TAFA1: variants seen among roughly 807,000 people sequenced by gnomAD.
TAFA1 encodes TAFA chemokine like family member 1.
In TAFA1, 4 loss-of-function variants were observed where a neutral mutation model predicts 18.5. That is an observed-to-expected ratio of 0.22 (90% CI 0.11 to 0.49). The LOEUF (loss-of-function observed/expected upper bound fraction) is 0.49. Ranked by LOEUF, TAFA1 falls within the 20% of genes least tolerant of loss-of-function variation. The probability of loss-of-function intolerance (pLI) is 0.98; values close to 1 mark genes in which losing one functional copy is unlikely to be tolerated. For missense variants in TAFA1, 147 were observed against 169.0 expected (o/e 0.87, Z 0.72); for synonymous variants, 56 against 55.2 (o/e 1.01, Z -0.06).
intron 2 of TAFA1, among the ~76,000 whole-genome samples, chr3:68,167,611 G>C (rs887424386): frequency 2.0e-5 from 3 of 149,166 alleles, no homozygotes; most frequent in African/African-American, 7.4e-5. Flanking sequence ...GAAGAAAAAA[G>C]TTAAAAATGC....
chr3:68,110,082 G>C (rs946705084), intron 2 of TAFA1, among the ~76,000 whole-genome samples: 1 of 152,112 alleles, frequency 6.6e-6, no homozygotes, highest in Non-Finnish European at 1.5e-5. Flanking sequence ...CCATCACCTT[G>C]TATTAAGCCC....
chr3:67,992,500 C>T, the TAFA1 span, among the ~76,000 whole-genome samples: 3 of 152,150 alleles, frequency 2.0e-5, no homozygotes, highest in Non-Finnish European at 4.4e-5. Context: ...TTAATGTTTA[C>T]ATTTCTTGCC....
intron 2 of TAFA1, among the ~76,000 whole-genome samples, chr3:68,083,858 A>C (rs764048106): frequency 1.3e-5 from 2 of 152,010 alleles, no homozygotes; most frequent in Admixed American, 1.3e-4. Flanking sequence ...AGTGCAGTAC[A>C]TTCTCCACAT....
intron 2 of TAFA1, among the ~76,000 whole-genome samples, chr3:68,390,791 C>G (rs1480355267): frequency 6.6e-6 from 1 of 152,160 alleles, no homozygotes; most frequent in East Asian, 1.9e-4. Context: ...GAAAAACTAG[C>G]AAACAGAAAG....
chr3:68,188,976 G>C (rs373196000), intron 2 of TAFA1, among the ~76,000 whole-genome samples: 1 of 151,850 alleles, frequency 6.6e-6, no homozygotes, highest in Non-Finnish European at 1.5e-5. Flanking sequence ...GTCCAGACTG[G>C]TCAGCAGTTT....
chr3:68,266,193 C>T (rs527835309), intron 2 of TAFA1, among the ~76,000 whole-genome samples: 11 of 152,142 alleles, frequency 7.2e-5, no homozygotes, highest in Middle Eastern at 3.4e-3. Context: ...TCATGTAGCG[C>T]GCTTTAATTT....
intron 2 of TAFA1, among the ~76,000 whole-genome samples, chr3:68,129,661 T>C (rs1053987818): frequency 6.6e-6 from 1 of 152,324 alleles, no homozygotes; most frequent in African/African-American, 2.4e-5. Context: ...ATATTATGTA[T>C]ATATTTTTTC....
intron 3 of TAFA1, among the ~76,000 whole-genome samples, chr3:68,423,713 C>T (rs575810375): frequency 1.9e-4 from 29 of 150,672 alleles, no homozygotes; most frequent in African/African-American, 5.9e-4. Flanking sequence ...GTAAAATTTT[C>T]GTGCAGTTTT....
chr3:68,288,934 A>G lies in TAFA1; in HGVS notation c.119-128346A>G, dbSNP rs115259406. Among the ~76,000 whole-genome samples, 788 of 152,308 alleles carry G rather than the reference A, an allele frequency of 5.2e-3. 8 individuals are homozygous for G. Among genetic ancestry groups the G allele is most frequent in the African/African-American group, 0.018 (753 of 41,576 alleles). ...TGTGAAGATCATTGTAGAAATAACT[A>G]AGTTTTGAAACTAGGCCAAGTTACT... On this transcript the variant is annotated intron_variant, in intron 2 of 4. Transcript: ENST00000478136.
intron 2 of TAFA1, among the ~76,000 whole-genome samples, chr3:68,345,201 C>T (rs262217): frequency 0.3 from 46,129 of 151,956 alleles, 8,389 homozygotes; most frequent in South Asian, 0.49. Context: ...ACCCTACTTC[C>T]TGCCAAATTC....
At chr3:68,229,160 A>G (rs1324022730) in intron 2 of TAFA1, among the ~76,000 whole-genome samples, 1 of 152,186 alleles carries the variant, frequency 6.6e-6, no homozygotes, top group Non-Finnish European at 1.5e-5. Context: ...TCTTAGCAGC[A>G]TTTTGTGTTG....
chr3:68,404,281 T>C (rs1461410984), intron 2 of TAFA1, among the ~76,000 whole-genome samples: 1 of 152,172 alleles, frequency 6.6e-6, no homozygotes, highest in Non-Finnish European at 1.5e-5. Context: ...ACAGACCTGC[T>C]GAGATTTAAA....
intron 2 of TAFA1, among the ~76,000 whole-genome samples, chr3:68,335,949 T>G (rs79420701): frequency 0.016 from 2,507 of 152,282 alleles, 82 homozygotes; most frequent in African/African-American, 0.056. Context: ...CCTTTCAACA[T>G]TTGTTCTATA....
chr3:68,340,561 T>TC (rs1559624659), intron 2 of TAFA1, among the ~76,000 whole-genome samples: 1 of 152,254 alleles, frequency 6.6e-6, no homozygotes, highest in South Asian at 2.1e-4. Context: ...AACTGACCTC[T>TC]CCCCCTGGAG....
At chr3:68,481,840 A>G (rs997353501) in intron 3 of TAFA1, among the ~76,000 whole-genome samples, 14 of 152,076 alleles carry the variant, frequency 9.2e-5, no homozygotes, top group African/African-American at 2.7e-4. Flanking sequence ...TCCTACTACC[A>G]TGGCCCAGCA....
At chr3:68,306,952 C>T (rs572099761) in intron 2 of TAFA1, among the ~76,000 whole-genome samples, 66 of 152,234 alleles carry the variant, frequency 4.3e-4, no homozygotes, top group Middle Eastern at 3.4e-3. Context: ...AACATCAAAA[C>T]CTGTAGTGTT....
intron 2 of TAFA1, among the ~76,000 whole-genome samples, chr3:68,048,351 T>C (rs1028596923): frequency 6.6e-6 from 1 of 152,086 alleles, no homozygotes; most frequent in Non-Finnish European, 1.5e-5. Flanking sequence ...AATATATTCA[T>C]GGGGTACATG....
chr3:68,264,603 C>T (rs1048575090), intron 2 of TAFA1, among the ~76,000 whole-genome samples: 2 of 152,080 alleles, frequency 1.3e-5, no homozygotes, highest in Non-Finnish European at 2.9e-5. Flanking sequence ...TAAAGTAAAT[C>T]TTAGAATTCC....
At chr3:68,333,429 A>G (rs1215378626) in intron 2 of TAFA1, among the ~76,000 whole-genome samples, 1 of 152,182 alleles carries the variant, frequency 6.6e-6, no homozygotes, top group Non-Finnish European at 1.5e-5. Flanking sequence ...GGAGCTAAAC[A>G]CAGTACATAT....
Sources: allele counts gnomAD v4.1 joint callset (sites outside exome capture counted in the v4.1 genomes callset), GRCh38; gene constraint gnomAD v4.1.1; transcripts MANE v1.5; gene names NCBI Gene and HGNC (gene_info 2026-07-23, HGNC 2026-07-21).